Variants in FARP1 observed in about 807,000 individuals in gnomAD.
FARP1 encodes the protein FERM, ARHGEF and pleckstrin domain-containing protein 1.
Under a neutral mutation model 128.8 loss-of-function variants are expected in FARP1, and 52 were observed. The observed-to-expected ratio is 0.40, with a 90% CI of 0.32 to 0.51. FARP1 has a LOEUF of 0.51. FARP1 is among the 20% of genes least tolerant of loss of function. FARP1 has a pLI of 0.45. For missense variants in FARP1, 1,333 were observed against 1,367.9 expected, an observed-to-expected ratio of 0.97 and a Z score of 0.40; for synonymous variants, 580 against 551.8, an observed-to-expected ratio of 1.05 and a Z score of -0.72.
intron 3 of FARP1, among the ~76,000 whole-genome samples, chr13:98,345,762 G>T (rs544655984): frequency 6.5e-4 from 99 of 152,302 alleles, no homozygotes; most frequent in African/African-American, 2.2e-3. Flanking sequence ...AGAGAGTACT[G>T]TAGGCCTTAT....
At chr13:98,252,207 G>A (rs766903027) in intron 2 of FARP1, among the ~76,000 whole-genome samples, 2 of 152,146 alleles carry the variant, frequency 1.3e-5, no homozygotes, top group African/African-American at 2.4e-5. Context: ...TAGGAGATTA[G>A]AGTTATAATG....
intron 1 of FARP1, among the ~76,000 whole-genome samples, chr13:98,151,314 C>G (rs1359540023): frequency 6.6e-6 from 1 of 152,162 alleles, no homozygotes; most frequent in Non-Finnish European, 1.5e-5. Context: ...GGTTCAGCGC[C>G]ATCTGCGGTT....
At chr13:98,405,890 CG>C (rs1196477516) in intron 13 of FARP1, 2 of 152,212 alleles carry the variant, frequency 1.3e-5, no homozygotes, top group Admixed American at 1.3e-4. Context: ...CCCCGTTGCC[CG>C]GGGCTGTGCC....
chr13:98,144,662 C>G (rs1268937089), intron 1 of FARP1, among the ~76,000 whole-genome samples: 1 of 152,154 alleles, frequency 6.6e-6, no homozygotes, highest in Non-Finnish European at 1.5e-5. Flanking sequence ...TGGTGACTTG[C>G]GGAGCCCATT....
At chr13:98,373,551 C>G (rs1358476422) in intron 5 of FARP1, among the ~76,000 whole-genome samples, 82 of 150,550 alleles carry the variant, frequency 5.4e-4, no homozygotes, top group African/African-American at 2.0e-3. Context: ...CACACACACA[C>G]ACACACACAC....
intron 2 of FARP1, among the ~76,000 whole-genome samples, chr13:98,343,022 C>T (rs1293178262): frequency 6.6e-6 from 1 of 150,708 alleles, no homozygotes; most frequent in African/African-American, 2.4e-5. Context: ...AAAACTCTGT[C>T]TCAAGAAAAA....
At chr13:98,323,598 C>T (rs1379573448) in intron 2 of FARP1, among the ~76,000 whole-genome samples, 2 of 151,978 alleles carry the variant, frequency 1.3e-5, no homozygotes, top group African/African-American at 4.8e-5. Context: ...TCTGTTCCTT[C>T]CAAGTTTTTC....
At chr13:98,383,854 A>T (rs1889983448) in intron 6 of FARP1, 3 of 152,204 alleles carry the variant, frequency 2.0e-5, no homozygotes, top group Admixed American at 1.3e-4. Context: ...AAAACGTGTA[A>T]GACTTTGCAA....
intron 20 of FARP1, 46 bp from the exon 21 acceptor site, chr13:98,439,061 G>T: frequency 1.3e-6 from 2 of 1,515,160 alleles, no homozygotes; most frequent in East Asian, 2.3e-5. Context: ...AGGGAAGCCT[G>T]CTGTCCAAAC....
intron 2 of FARP1, among the ~76,000 whole-genome samples, chr13:98,335,206 C>T (rs1395188730): frequency 5.9e-5 from 9 of 152,132 alleles, no homozygotes; most frequent in South Asian, 4.1e-4. Flanking sequence ...ACATCATCGA[C>T]GGAAGTAGTC....
At chr13:98,291,823 A>G (rs557165831) in intron 2 of FARP1, among the ~76,000 whole-genome samples, 1 of 152,328 alleles carries the variant, frequency 6.6e-6, no homozygotes, top group East Asian at 1.9e-4. Context: ...TTGGTCATTC[A>G]AAGAACAGTC....
chr13:98,370,127 C>T (rs1218838793), intron 5 of FARP1, among the ~76,000 whole-genome samples: 3 of 152,204 alleles, frequency 2.0e-5, no homozygotes, highest in South Asian at 2.1e-4. Flanking sequence ...TGGGTGATGA[C>T]TTCAGGCTGG....
chr13:98,294,083 C>T (rs1467011203), intron 2 of FARP1, among the ~76,000 whole-genome samples: 3 of 152,200 alleles, frequency 2.0e-5, no homozygotes, highest in Non-Finnish European at 4.4e-5. Flanking sequence ...CATCTCTAAC[C>T]AAGCTGATCA....
At chr13:98,243,901 G>C (rs756598980) in intron 2 of FARP1, among the ~76,000 whole-genome samples, 1 of 152,030 alleles carries the variant, frequency 6.6e-6, no homozygotes, top group Non-Finnish European at 1.5e-5. Flanking sequence ...TGGAATTTCA[G>C]TGTAATTTTA....
At chr13:98,319,896 A>G (rs1886915947) in intron 2 of FARP1, among the ~76,000 whole-genome samples, 1 of 152,216 alleles carries the variant, frequency 6.6e-6, no homozygotes, top group Non-Finnish European at 1.5e-5. Context: ...AAAAAAGTTA[A>G]AAGTGTGTTT....
chr13:98,290,061 T>C (rs569902951), intron 2 of FARP1, among the ~76,000 whole-genome samples: 1 of 151,938 alleles, frequency 6.6e-6, no homozygotes, highest in African/African-American at 2.4e-5. Context: ...TATCTTTTTT[T>C]TTTTTTTTTG....
intron 2 of FARP1, among the ~76,000 whole-genome samples, chr13:98,308,026 T>TCG (rs1886252343): frequency 9.0e-5 from 1 of 11,086 alleles, no homozygotes; most frequent in African/African-American, 3.4e-4. Context: ...CCGCCCCCAC[T>TCG]CTCTCTCTTT....
chr13:98,145,785 C>G (rs928866380), intron 1 of FARP1, among the ~76,000 whole-genome samples: 1 of 151,238 alleles, frequency 6.6e-6, no homozygotes, highest in African/African-American at 2.4e-5. Context: ...TCGCCTGAAC[C>G]CAGGAGGCGG....
At chr13:98,391,459 T>G (rs1322589466) in intron 11 of FARP1, among the ~76,000 whole-genome samples, 1 of 152,106 alleles carries the variant, frequency 6.6e-6, no homozygotes, top group Non-Finnish European at 1.5e-5. Flanking sequence ...TTTGTAGAGA[T>G]GGGGTCTGCC....
Sources: gnomAD v4.1 joint callset for allele counts (sites outside exome capture counted in the v4.1 genomes callset) on GRCh38, gnomAD v4.1.1 for gene constraint, MANE v1.5 for transcripts, NCBI Gene and HGNC (gene_info 2026-07-23, HGNC 2026-07-21) for gene names.